Variants in PCDHA6 observed in about 807,000 individuals in gnomAD.
The protein encoded by PCDHA6 is protocadherin alpha-6.
Under a neutral mutation model 60.3 loss-of-function variants are expected in PCDHA6, and 55 were observed. The ratio of observed to expected loss-of-function variants is 0.91; its 90% CI spans 0.73 to 1.14. PCDHA6 has a LOEUF of 1.14. PCDHA6 is among the 50% of genes most tolerant of loss of function. The pLI is 0.00. For missense variants in PCDHA6, 1,327 were observed against 1,256.5 expected, an observed-to-expected ratio of 1.06 and a Z score of -0.85; for synonymous variants, 652 against 557.9, an observed-to-expected ratio of 1.17 and a Z score of -2.38.
chr5:140,896,687 T>G (rs782089227), intron 1 of PCDHA6, among the ~76,000 whole-genome samples: 2 of 152,170 alleles, frequency 1.3e-5, no homozygotes, highest in Non-Finnish European at 2.9e-5. Context: ...CTTTGCCCAT[T>G]TTTTGATGAG....
At chr5:140,934,171 A>C (rs965826085) in intron 1 of PCDHA6, among the ~76,000 whole-genome samples, 11 of 152,160 alleles carry the variant, frequency 7.2e-5, no homozygotes, top group African/African-American at 2.7e-4. Context: ...GTGCAACAGA[A>C]GTACTCTAAA....
In PCDHA6 at chr5:140,869,463, C is replaced by A. The variant is rs1554163094; in HGVS notation, c.2394+38978C>A. On this transcript the variant is annotated intron_variant, in intron 1 of 3. Transcript: ENST00000529310. ...GGCCGCTGCAGGTTTTCCATGTGAACGTGGAGGTGAAGGACATTAACGACA... is the reference window on the plus strand; with the variant it reads ...GGCCGCTGCAGGTTTTCCATGTGAAAGTGGAGGTGAAGGACATTAACGACA... 2 of 1,614,148 alleles carry A rather than the reference C, an allele frequency of 1.2e-6. No homozygotes were observed. Among genetic ancestry groups the A allele is most frequent in the Admixed American group, 1.7e-5 (1 of 60,024 alleles).
intron 1 of PCDHA6, chr5:140,849,467 T>A: frequency 1.3e-6 from 2 of 1,589,378 alleles, no homozygotes; most frequent in South Asian, 2.2e-5. Context: ...AGGCTGTCGA[T>A]AAAGGCTTCC....
At chr5:140,906,961 T>C (rs143429690) in intron 1 of PCDHA6, among the ~76,000 whole-genome samples, 1 of 152,268 alleles carries the variant, frequency 6.6e-6, no homozygotes, top group African/African-American at 2.4e-5. Flanking sequence ...TTTAATGGAA[T>C]CGTGGTTGTG....
chr5:140,888,611 G>T (rs1554183538), intron 1 of PCDHA6, among the ~76,000 whole-genome samples: 1 of 152,144 alleles, frequency 6.6e-6, no homozygotes, highest in Non-Finnish European at 1.5e-5. Context: ...TTTTAGTGTA[G>T]CACTAATTCG....
At chr5:140,895,292 C>T (rs1032250917) in intron 1 of PCDHA6, among the ~76,000 whole-genome samples, 11 of 152,044 alleles carry the variant, frequency 7.2e-5, no homozygotes, top group Non-Finnish European at 1.2e-4. Flanking sequence ...TTAGGACCTT[C>T]GATTTCCCCC....
intron 1 of PCDHA6, among the ~76,000 whole-genome samples, chr5:140,919,122 T>G (rs879989359): frequency 6.6e-6 from 1 of 152,224 alleles, no homozygotes; most frequent in African/African-American, 2.4e-5. Context: ...AGTTTTTGCT[T>G]CATGTGTTTT....
chr5:140,889,497 A>G (rs1024054854), intron 1 of PCDHA6, among the ~76,000 whole-genome samples: 1 of 152,188 alleles, frequency 6.6e-6, no homozygotes, highest in South Asian at 2.1e-4. Flanking sequence ...ATCTATAGTG[A>G]TATTTCCCTT....
intron 1 of PCDHA6, chr5:140,841,516 G>T: frequency 6.2e-7 from 1 of 1,612,986 alleles, no homozygotes; most frequent in South Asian, 1.1e-5. Flanking sequence ...GCCTGTTCCG[G>T]GTGGCGTCCA....
In PCDHA6 at chr5:140,847,559, GC is replaced by G. The variant is rs150732093; in HGVS notation, c.2394+17078del. 4.7e-5 allele frequency: 7 copies of G among 149,276 alleles called. No individual in the cohort carries two copies. In the East Asian group the frequency reaches 1.4e-3, roughly 29 times the overall value. The allele number at this position is 149,276 out of a possible 1,614,324, so 9.2% of individuals were successfully genotyped here. A position where few individuals can be genotyped will look rare whatever the true frequency, so the allele number is the denominator to read the frequency against. On this transcript the variant is annotated intron_variant, in intron 1 of 3. Coordinates refer to ENST00000529310, the MANE Select transcript of PCDHA6 (RefSeq NM_018909.4). ...AAGCATAGCTTTAAAAACAGAAATT[GC>G]CCCGAGTACTAAGGATGAGCAATAA...
chr5:140,877,493 A>C, intron 1 of PCDHA6: 1 of 1,613,856 alleles, frequency 6.2e-7, no homozygotes, highest in African/African-American at 1.3e-5. Flanking sequence ...GAGAACGGCC[A>C]GGCCCCAAAG....
At chr5:140,905,787 G>C (rs1468265319) in intron 1 of PCDHA6, among the ~76,000 whole-genome samples, 1 of 152,012 alleles carries the variant, frequency 6.6e-6, no homozygotes, top group African/African-American at 2.4e-5. Flanking sequence ...TATTAGTCAG[G>C]GTTCTCTAGA....
intron 1 of PCDHA6, chr5:140,835,300 G>C: frequency 6.2e-7 from 1 of 1,612,792 alleles, no homozygotes; most frequent in East Asian, 2.2e-5. Context: ...ACAGTGATAG[G>C]ACATATGGAT....
chr5:140,874,124 T>G (rs926046559), intron 1 of PCDHA6, among the ~76,000 whole-genome samples: 6 of 152,266 alleles, frequency 3.9e-5, no homozygotes, highest in Admixed American at 3.3e-4. Context: ...TTATAGTTTA[T>G]TTAAGTTATC....
intron 1 of PCDHA6, chr5:140,871,324 T>G (rs1554165430): frequency 3.1e-6 from 5 of 1,614,048 alleles, no homozygotes; most frequent in Non-Finnish European, 4.2e-6. Flanking sequence ...GCTGGTGTGC[T>G]CCCGCGCGGT....
intron 1 of PCDHA6, among the ~76,000 whole-genome samples, chr5:140,944,577 C>G (rs2093670906): frequency 6.6e-6 from 1 of 152,270 alleles, no homozygotes; most frequent in Admixed American, 6.5e-5. Flanking sequence ...CTGTAGAGAT[C>G]ACTTCAGAAT....
rs111528394 is a variant in PCDHA6 at position 140,995,338 on chromosome 5, C to T, written c.2542+12775C>T. Among the ~76,000 whole-genome samples the T allele has an allele frequency of 2.7e-4, 41 of 151,956 alleles. 1 individual carries two copies. Among genetic ancestry groups the T allele is most frequent in the Admixed American group, 6.6e-4 (10 of 15,254 alleles). On this transcript the variant is annotated intron_variant, in intron 3 of 3. Coordinates refer to ENST00000529310, the MANE Select transcript of PCDHA6 (RefSeq NM_018909.4). The stretch of plus-strand genomic sequence containing the variant: ...TGAACTAACAGGTGAGTAGTGTAGA[C>T]GGCATGGATAGGTCGGACAGAGGGA...
At chr5:140,968,519 A>C (rs1030847582) in intron 1 of PCDHA6, 1 of 1,614,008 alleles carries the variant, frequency 6.2e-7, no homozygotes, top group African/African-American at 1.3e-5. Flanking sequence ...CCCTACCTCA[A>C]CCAACTCGTC....
chr5:140,850,738 G>A lies in PCDHA6; in HGVS notation c.2394+20253G>A. ...GTGTGTTCTAGCGCGGTGGGGAGTT[G>A]GTCGTACTCGCAGCAGAGGAGGCAG... On this transcript the variant is annotated intron_variant, in intron 1 of 3. Transcript: ENST00000529310. 8 of 1,597,962 alleles carry A rather than the reference G, an allele frequency of 5.0e-6. 2 individuals carry two copies. The highest frequency in any genetic ancestry group is 6.9e-6 in the Non-Finnish European group (8 of 1,167,602).
Sources: gnomAD v4.1 joint callset for allele counts (sites outside exome capture counted in the v4.1 genomes callset) on GRCh38, gnomAD v4.1.1 for gene constraint, MANE v1.5 for transcripts, NCBI Gene and HGNC (gene_info 2026-07-23, HGNC 2026-07-21) for gene names.